Variants in CPQ observed in about 807,000 individuals in gnomAD.
CPQ encodes the protein carboxypeptidase Q.
CPQ carries 37 observed loss-of-function variants against 45.7 expected under a neutral mutation model. The ratio of observed to expected loss-of-function variants is 0.81; its 90% CI spans 0.62 to 1.07. The LOEUF is 1.07. Among genes scored for constraint, CPQ ranks in the 50% least tolerant of loss-of-function variants. The pLI, the probability that CPQ is intolerant of heterozygous loss-of-function variation, is 0.00. For synonymous variants in CPQ, 186 were observed against 205.8 expected, an observed-to-expected ratio of 0.90 and a Z score of 0.82; for missense variants, 537 against 572.9, an observed-to-expected ratio of 0.94 and a Z score of 0.64.
At position 96,702,802 on chromosome 8, in the gene CPQ, T is replaced by C. The variant is rs114133368; in HGVS notation, c.-35+57400T>C. 8.6e-3 allele frequency among the ~76,000 whole-genome samples: 1,304 copies of C among 152,272 alleles called. 13 individuals carry two copies. The highest frequency in any genetic ancestry group is 0.026 in the African/African-American group (1,070 of 41,560). The stretch of plus-strand genomic sequence containing the variant: ...CTCCTTCTGTAAACAAGTGTCTTCT[T>C]TGAGGTGTATTTAGTGTCACATATT... On this transcript the variant is annotated intron_variant, in intron 1 of 7. Transcript: ENST00000220763.
intron 1 of CPQ, among the ~76,000 whole-genome samples, chr8:96,780,416 C>T (rs1229664653): frequency 6.6e-6 from 1 of 152,064 alleles, no homozygotes; most frequent in Non-Finnish European, 1.5e-5. Context: ...TATGAAAGAG[C>T]CTGTGCGTTT....
intron 1 of CPQ, among the ~76,000 whole-genome samples, chr8:96,701,407 T>C (rs1420073569): frequency 1.3e-5 from 2 of 152,218 alleles, no homozygotes; most frequent in Non-Finnish European, 2.9e-5. Context: ...ATGGCTGATG[T>C]AGCTATCAAA....
In CPQ at chr8:97,058,165, T is replaced by C. The variant is rs922500509; in HGVS notation, c.1054-7844T>C. Among the ~76,000 whole-genome samples, 6 of 152,206 alleles carry C rather than the reference T, an allele frequency of 3.9e-5. No individual in the cohort carries two copies. In the East Asian group the frequency reaches 1.2e-3, roughly 29 times the overall value. ...GGCTAGAGAAAGAAAAACCCACAAATTGGGTTTTAATATGATACACCCTAT... is the reference window on the plus strand; with the variant it reads ...GGCTAGAGAAAGAAAAACCCACAAACTGGGTTTTAATATGATACACCCTAT... On this transcript the variant is annotated intron_variant, in intron 6 of 7. Transcript: ENST00000220763.
chr8:97,113,577 G>C (rs955578346), intron 7 of CPQ, among the ~76,000 whole-genome samples: 2 of 152,174 alleles, frequency 1.3e-5, no homozygotes, highest in Admixed American at 1.3e-4. Flanking sequence ...GCAGCATAGT[G>C]AGCAGGTTCT....
At chr8:97,142,988 T>C (rs1371394329) in intron 7 of CPQ, 32 bp from the exon 8 acceptor site, 2 of 1,608,992 alleles carry the variant, frequency 1.2e-6, no homozygotes, top group East Asian at 4.5e-5. Context: ...GTCAAAATAC[T>C]CCACTAAGAA....
chr8:97,023,442 C>G (rs184652079), intron 5 of CPQ, among the ~76,000 whole-genome samples: 35 of 151,976 alleles, frequency 2.3e-4, no homozygotes, highest in Non-Finnish European at 2.6e-4. Context: ...ACTCATGTAA[C>G]CAAACACCAC....
At chr8:97,023,066 CTG>C (rs1167564958) in intron 5 of CPQ, among the ~76,000 whole-genome samples, 12 of 52,240 alleles carry the variant, frequency 2.3e-4, no homozygotes, top group Admixed American at 2.2e-3. Context: ...TATATAGAAA[CTG>C]TAGTGTATAT....
At chr8:97,058,280 A>C (rs2130516447) in intron 6 of CPQ, among the ~76,000 whole-genome samples, 1 of 152,210 alleles carries the variant, frequency 6.6e-6, no homozygotes, top group Admixed American at 6.5e-5. Flanking sequence ...TATTTTTTTA[A>C]AAAATAACCT....
intron 7 of CPQ, among the ~76,000 whole-genome samples, chr8:97,075,496 A>G (rs1319171881): frequency 2.0e-5 from 3 of 152,226 alleles, no homozygotes; most frequent in Non-Finnish European, 4.4e-5. Context: ...GGAGCTCACA[A>G]TTGAAAACTG....
intron 1 of CPQ, among the ~76,000 whole-genome samples, chr8:96,782,951 T>C (rs1302561070): frequency 6.6e-6 from 1 of 152,184 alleles, no homozygotes; most frequent in Non-Finnish European, 1.5e-5. Context: ...CATTTCCATC[T>C]GAGACCTCAT....
chr8:96,678,722 AG>A (rs1394672090), intron 1 of CPQ, among the ~76,000 whole-genome samples: 1 of 145,764 alleles, frequency 6.9e-6, no homozygotes, highest in East Asian at 2.0e-4. Context: ...ATGTCTCTTC[AG>A]ACCCTTTGCC....
intron 2 of CPQ, among the ~76,000 whole-genome samples, chr8:96,798,578 C>T (rs144319605): frequency 0.014 from 2,178 of 152,124 alleles, 32 homozygotes; most frequent in South Asian, 0.031. Context: ...TTGCCTTTCC[C>T]TCAACATGTG....
At chr8:97,049,381 G>A (rs1810317906) in intron 6 of CPQ, among the ~76,000 whole-genome samples, 1 of 152,218 alleles carries the variant, frequency 6.6e-6, no homozygotes, top group African/African-American at 2.4e-5. Context: ...AGCTGCGACA[G>A]TCTGGCTTGT....
intron 1 of CPQ, among the ~76,000 whole-genome samples, chr8:96,679,312 G>C (rs376297924): frequency 1.1e-3 from 163 of 152,144 alleles, no homozygotes; most frequent in African/African-American, 3.7e-3. Flanking sequence ...TGTTGGATTT[G>C]GTTAGCTAGT....
chr8:97,046,020 T>C (rs1189701650), intron 6 of CPQ, among the ~76,000 whole-genome samples: 1 of 152,222 alleles, frequency 6.6e-6, no homozygotes, highest in Non-Finnish European at 1.5e-5. Flanking sequence ...GACATTGTTG[T>C]GAGTGCAAAG....
intron 1 of CPQ, among the ~76,000 whole-genome samples, chr8:96,749,898 A>G (rs1306877459): frequency 6.6e-6 from 1 of 152,104 alleles, no homozygotes; most frequent in African/African-American, 2.4e-5. Context: ...GTATACCAGG[A>G]TTTTTGTATA....
rs530724030 is a variant in CPQ at position 96,772,165 on chromosome 8, A to G, written c.-34-12699A>G. On this transcript the variant is annotated intron_variant, in intron 1 of 7. Transcript: ENST00000220763. The stretch of plus-strand genomic sequence containing the variant: ...AGAAGAGGAGGCTGGAGGCAGGGAG[A>G]TCAGTTAGGAGATTATTGTGGTAGT... 1.2e-4 allele frequency among the ~76,000 whole-genome samples: 18 copies of G among 152,216 alleles called. No individual in the cohort carries two copies. The South Asian group carries it at 3.5e-3, about 30-fold the overall frequency.
At chr8:96,973,712 C>T (rs746845728) in intron 5 of CPQ, among the ~76,000 whole-genome samples, 2 of 152,162 alleles carry the variant, frequency 1.3e-5, no homozygotes, top group Non-Finnish European at 2.9e-5. Flanking sequence ...TTGGGGTCCT[C>T]TTTTTAGCCT....
At chr8:96,997,604 C>A (rs1809199131) in intron 5 of CPQ, among the ~76,000 whole-genome samples, 1 of 151,808 alleles carries the variant, frequency 6.6e-6, no homozygotes, top group Admixed American at 6.6e-5. Flanking sequence ...AGAAAAATTT[C>A]TTGTAAAAGC....
Sources: gnomAD v4.1 joint callset for allele counts (sites outside exome capture counted in the v4.1 genomes callset) on GRCh38, gnomAD v4.1.1 for gene constraint, MANE v1.5 for transcripts, NCBI Gene and HGNC (gene_info 2026-07-23, HGNC 2026-07-21) for gene names.